Variants in LRMDA observed in about 807,000 individuals in gnomAD.
LRMDA encodes the protein leucine rich melanocyte differentiation associated.
A neutral mutation model predicts 29.8 loss-of-function variants in LRMDA; 18 were observed. That is an observed-to-expected ratio of 0.60 (90% CI 0.42 to 0.90). The LOEUF is 0.90. Ranked by LOEUF, LRMDA falls within the 40% of genes least tolerant of loss-of-function variation. LRMDA has a pLI of 0.00. For synonymous variants in LRMDA, 125 were observed against 109.4 expected (o/e 1.14, Z -0.89); for missense variants, 273 against 273.9 (o/e 1.00, Z 0.02).
At chr10:76,457,871 C>T (rs999222626) in intron 6 of LRMDA, among the ~76,000 whole-genome samples, 1 of 152,056 alleles carries the variant, frequency 6.6e-6, no homozygotes, top group Non-Finnish European at 1.5e-5. Flanking sequence ...TAGGGTGTAG[C>T]TGCTGCAAAT....
At chr10:76,475,303 T>C (rs1842656301) in intron 6 of LRMDA, among the ~76,000 whole-genome samples, 1 of 151,934 alleles carries the variant, frequency 6.6e-6, no homozygotes, top group South Asian at 2.1e-4. Flanking sequence ...TTTGAATATA[T>C]ATTTTAACGT....
chr10:75,781,202 C>T (rs1031666898), intron 2 of LRMDA, among the ~76,000 whole-genome samples: 1 of 152,168 alleles, frequency 6.6e-6, no homozygotes, highest in East Asian at 1.9e-4. Context: ...ATATTGAAAT[C>T]ATTTCTTTAT....
chr10:75,467,165 G>T (rs868021990), intron 2 of LRMDA, among the ~76,000 whole-genome samples: 1 of 152,178 alleles, frequency 6.6e-6, no homozygotes, highest in South Asian at 2.1e-4. Flanking sequence ...CCTGGAGGGG[G>T]TGGAAAGGGG....
chr10:76,340,939 AATAAC>A (rs1331208810), intron 6 of LRMDA, among the ~76,000 whole-genome samples: 2 of 152,168 alleles, frequency 1.3e-5, no homozygotes, highest in African/African-American at 4.8e-5. Flanking sequence ...GTTTTGCCCT[AATAAC>A]ATAACAGAAC....
intron 5 of LRMDA, among the ~76,000 whole-genome samples, chr10:76,060,693 C>A (rs1848689788): frequency 1.3e-5 from 2 of 152,212 alleles, no homozygotes; most frequent in Admixed American, 1.3e-4. Flanking sequence ...AAGAGCAGGA[C>A]TGTTCTGTTG....
chr10:76,501,983 T>C (rs1842914521), intron 6 of LRMDA, among the ~76,000 whole-genome samples: 1 of 152,046 alleles, frequency 6.6e-6, no homozygotes, highest in Non-Finnish European at 1.5e-5. Flanking sequence ...AGGATTTTTA[T>C]AGTGTGAGGT....
At chr10:76,239,542 C>T (rs552387383) in intron 5 of LRMDA, among the ~76,000 whole-genome samples, 5 of 152,012 alleles carry the variant, frequency 3.3e-5, no homozygotes, top group East Asian at 1.9e-4. Context: ...ATCTCCCTCC[C>T]CTTCTCCTTT....
At chr10:75,681,677 C>T (rs114545947) in intron 2 of LRMDA, among the ~76,000 whole-genome samples, 10 of 152,136 alleles carry the variant, frequency 6.6e-5, no homozygotes, top group African/African-American at 9.7e-5. Flanking sequence ...CATTACACAG[C>T]GAAATTTCGT....
At chr10:75,715,543 T>C (rs1403674015) in intron 2 of LRMDA, among the ~76,000 whole-genome samples, 1 of 152,204 alleles carries the variant, frequency 6.6e-6, no homozygotes, top group Non-Finnish European at 1.5e-5. Context: ...TATCAATATG[T>C]ATTTTGAGCA....
At chr10:76,360,311 G>T (rs893943253) in intron 6 of LRMDA, among the ~76,000 whole-genome samples, 2 of 151,938 alleles carry the variant, frequency 1.3e-5, no homozygotes, top group African/African-American at 4.8e-5. Flanking sequence ...TGACTTCCTT[G>T]GTTCACATGG....
chr10:75,459,765 AG>A (rs2132037294), intron 2 of LRMDA, among the ~76,000 whole-genome samples: 2 of 152,286 alleles, frequency 1.3e-5, no homozygotes, highest in South Asian at 4.1e-4. Context: ...TCCAAGATCT[AG>A]GGGCTGCATC....
intron 5 of LRMDA, among the ~76,000 whole-genome samples, chr10:76,080,989 G>C (rs1849040136): frequency 2.0e-5 from 3 of 152,240 alleles, no homozygotes; most frequent in Admixed American, 6.5e-5. Context: ...AAGCACGGCT[G>C]TAACAGACAG....
chr10:75,441,230 T>A (rs995302350), intron 2 of LRMDA, among the ~76,000 whole-genome samples: 1 of 152,134 alleles, frequency 6.6e-6, no homozygotes, highest in Middle Eastern at 3.2e-3. Flanking sequence ...CTATAGAAAG[T>A]TTCTACCTAG....
chr10:76,405,054 T>C (rs950719247), intron 6 of LRMDA, among the ~76,000 whole-genome samples: 2 of 152,170 alleles, frequency 1.3e-5, no homozygotes, highest in Non-Finnish European at 2.9e-5. Context: ...CTAGATGTTA[T>C]TAGCTCGGTG....
intron 6 of LRMDA, among the ~76,000 whole-genome samples, chr10:76,443,234 T>C (rs761191453): frequency 6.6e-6 from 1 of 152,148 alleles, no homozygotes; most frequent in Non-Finnish European, 1.5e-5. Context: ...ATGAACATAT[T>C]TGTTTGGTTT....
At position 76,559,547 on chromosome 10, in the gene LRMDA, G is replaced by T. The variant is rs1843599322; in HGVS notation, c.*2259G>T. On this transcript the variant is annotated 3_prime_UTR_variant, in exon 7 of 7. Coordinates refer to ENST00000611255, the MANE Select transcript of LRMDA (RefSeq NM_001305581.2). ...ATAATGAAGTGCTGGGTTGGTTACA[G>T]TTCCACTGTGTGTTAACCAAAATTT... 1 of 152,332 alleles carries T rather than the reference G, an allele frequency of 6.6e-6. No individual in the cohort carries two copies. The highest frequency in any genetic ancestry group is 1.5e-5 in the Non-Finnish European group (1 of 68,032). 9.4% of individuals were successfully genotyped at this position (152,332 alleles called of 1,614,324 possible).
intron 2 of LRMDA, among the ~76,000 whole-genome samples, chr10:75,563,491 C>T (rs1017896231): frequency 3.3e-5 from 5 of 152,036 alleles, no homozygotes; most frequent in South Asian, 2.1e-4. Context: ...TCCTGTAGCT[C>T]GGAGTAGTTT....
intron 3 of LRMDA, among the ~76,000 whole-genome samples, chr10:76,046,068 G>A (rs1258038647): frequency 6.6e-6 from 1 of 152,166 alleles, no homozygotes; most frequent in African/African-American, 2.4e-5. Flanking sequence ...TTCTACCCTT[G>A]TATGTTTTGT....
chr10:76,510,485 G>A (rs950902679), intron 6 of LRMDA, among the ~76,000 whole-genome samples: 15 of 152,090 alleles, frequency 9.9e-5, no homozygotes, highest in African/African-American at 3.6e-4. Flanking sequence ...ATGATGATTG[G>A]AATCCTTCCT....
Sources: gnomAD v4.1 joint callset for allele counts (sites outside exome capture counted in the v4.1 genomes callset) on GRCh38, gnomAD v4.1.1 for gene constraint, MANE v1.5 for transcripts, NCBI Gene and HGNC (gene_info 2026-07-23, HGNC 2026-07-21) for gene names.